The following MTCH2 variants were observed in gnomAD, a reference collection of about 807,000 sequenced individuals.
MTCH2 encodes the protein mitochondrial carrier 2.
A neutral mutation model predicts 50.6 loss-of-function variants in MTCH2; 25 were observed. The observed-to-expected ratio is 0.49, with a 90% CI of 0.36 to 0.69. MTCH2 has a LOEUF of 0.69. Among genes scored for constraint, MTCH2 ranks in the 30% least tolerant of loss-of-function variants. The pLI is 0.00. For missense variants in MTCH2, 273 were observed against 384.4 expected (o/e 0.71, Z 2.42); for synonymous variants, 106 against 132.0 (o/e 0.80, Z 1.35).
chr11:47,635,888 G>C (rs1410048511), intron 3 of MTCH2, among the ~76,000 whole-genome samples: 2 of 152,090 alleles, frequency 1.3e-5, no homozygotes, highest in Non-Finnish European at 2.9e-5. Flanking sequence ...AGCACTTTAG[G>C]AGGCCGAGGT....
At chr11:47,624,902 AC>A (rs2097296585) in intron 11 of MTCH2, among the ~76,000 whole-genome samples, 2 of 152,204 alleles carry the variant, frequency 1.3e-5, no homozygotes, top group African/African-American at 2.4e-5. Flanking sequence ...AGTCTGGCCA[AC>A]ATAGCAAGAC....
the MTCH2 span, among the ~76,000 whole-genome samples, chr11:47,605,674 G>T: frequency 6.6e-6 from 1 of 152,124 alleles, no homozygotes; most frequent in Admixed American, 6.6e-5. Flanking sequence ...ATAACCAACT[G>T]GGGTGAAGGA....
At chr11:47,626,639 G>A (rs185775224) in intron 10 of MTCH2, among the ~76,000 whole-genome samples, 1 of 151,840 alleles carries the variant, frequency 6.6e-6, no homozygotes, top group African/African-American at 2.4e-5. Context: ...TTGAGATGGA[G>A]TCTCACTCTG....
At chr11:47,620,112 CAAACAAA>C (rs1191362778) in intron 12 of MTCH2, among the ~76,000 whole-genome samples, 1 of 151,038 alleles carries the variant, frequency 6.6e-6, no homozygotes, top group African/African-American at 2.4e-5. Flanking sequence ...AAAAAACAAA[CAAACAAA>C]AAACAAAAAA....
downstream of MTCH2, among the ~76,000 whole-genome samples, chr11:47,616,604 G>A (rs552095230): frequency 6.6e-6 from 1 of 152,158 alleles, no homozygotes; most frequent in South Asian, 2.1e-4. Flanking sequence ...TAGGATTACA[G>A]GTATGGGCCA....
In MTCH2 at chr11:47,630,631, A is replaced by G. The variant is rs751841585; in HGVS notation, c.480-17T>C. 1 of 1,590,876 alleles carries G rather than the reference A, an allele frequency of 6.3e-7. No homozygotes were observed. Among genetic ancestry groups the G allele is most frequent in the South Asian group, 1.1e-5 (1 of 90,130 alleles). ...CAAAGTCCACTACGTACACAAGAAG[A>G]AAAGGTAAAATATATTAAGATTCTT... On this transcript the variant is annotated splice_polypyrimidine_tract_variant and intron_variant, in intron 7 of 12. Transcript: ENST00000302503.
chr11:47,632,491 C>T (rs1219725931), intron 5 of MTCH2, among the ~76,000 whole-genome samples: 2 of 150,100 alleles, frequency 1.3e-5, no homozygotes, highest in African/African-American at 4.9e-5. Context: ...GTAGCTGGGA[C>T]TACAGGCACC....
intron 3 of MTCH2, among the ~76,000 whole-genome samples, chr11:47,636,508 G>A (rs899154101): frequency 3.3e-5 from 5 of 151,848 alleles, no homozygotes; most frequent in Non-Finnish European, 7.4e-5. Context: ...GAGGCAGGCG[G>A]ATCACCTGAC....
At chr11:47,634,104 C>T (rs910162448) in intron 5 of MTCH2, among the ~76,000 whole-genome samples, 1 of 152,138 alleles carries the variant, frequency 6.6e-6, no homozygotes, top group Non-Finnish European at 1.5e-5. Flanking sequence ...AAGACAAGGT[C>T]TTGCTCTATC....
intron 5 of MTCH2, among the ~76,000 whole-genome samples, chr11:47,632,399 G>T (rs911928188): frequency 1.3e-5 from 2 of 148,288 alleles, no homozygotes; most frequent in Non-Finnish European, 3.0e-5. Flanking sequence ...TGTCACCCAC[G>T]CTGGAGTGCA....
chr11:47,605,775 T>C, the MTCH2 span, among the ~76,000 whole-genome samples: 1 of 152,222 alleles, frequency 6.6e-6, no homozygotes, highest in Non-Finnish European at 1.5e-5. Flanking sequence ...AATCAATGTC[T>C]AACTGGAAAC....
In MTCH2 at chr11:47,642,512, AC is replaced by A; in HGVS notation, c.-48del. On this transcript the variant is annotated 5_prime_UTR_variant, in exon 1 of 13. Transcript: ENST00000302503. ...GACAGACAGACGGAGCCACCAAGCG[AC>A]CCGGTGAGCCGGTCCTAGGTCACGT... 1 of 1,516,002 alleles carries A rather than the reference AC, an allele frequency of 6.6e-7. No individual in the cohort carries two copies. Among genetic ancestry groups the A allele is most frequent in the Non-Finnish European group, 8.9e-7 (1 of 1,128,216 alleles). 93.9% of individuals were successfully genotyped at this position (1,516,002 alleles called of 1,614,324 possible).
downstream of MTCH2, among the ~76,000 whole-genome samples, chr11:47,616,875 G>A (rs2097288735): frequency 2.0e-5 from 3 of 151,196 alleles, no homozygotes; most frequent in Admixed American, 6.6e-5. Context: ...GTAGAGACAG[G>A]GTTTCTTCAT....
intron 1 of MTCH2, among the ~76,000 whole-genome samples, chr11:47,641,145 C>T (rs1237440072): frequency 6.6e-6 from 1 of 152,156 alleles, no homozygotes; most frequent in Non-Finnish European, 1.5e-5. Flanking sequence ...CCGCTCACCT[C>T]GGCCTCCCAA....
Position 47,631,073 on chromosome 11 carries a change from A to AT in MTCH2, c.441dup (p.Ser148IlefsTer17). On this transcript the variant is annotated frameshift_variant, in exon 7 of 13. Transcript: ENST00000302503. LOFTEE classifies it high-confidence loss of function. ...TCTCTGCCAATGAACTGTACCATAG[A>AT]TCTCAGAGTGATCACTGTGGAATAT... is the stretch of plus-strand genomic sequence containing the variant. The AT allele has an allele frequency of 6.2e-7, 1 of 1,613,066 alleles. No homozygotes were observed.
In MTCH2 at chr11:47,627,200, T is replaced by C. The variant is rs554633787; in HGVS notation, c.634-73A>G. ...ACATCAATATATTCTTTTTTCCTTT[T>C]CTTTTCTTTTCTTTTTTTCTTTCAG... is the stretch of plus-strand genomic sequence containing the variant. On this transcript the variant is annotated intron_variant, in intron 9 of 12. Coordinates refer to ENST00000302503, the MANE Select transcript of MTCH2 (RefSeq NM_014342.4). 4.0e-4 allele frequency: 456 copies of C among 1,151,632 alleles called. 2 individuals are homozygous for C. The South Asian group carries it at 5.0e-3, about 13-fold the overall frequency. 71.3% of individuals were successfully genotyped at this position (1,151,632 alleles called of 1,614,324 possible).
intron 3 of MTCH2, among the ~76,000 whole-genome samples, chr11:47,636,253 G>A (rs2097308470): frequency 6.6e-6 from 1 of 152,144 alleles, no homozygotes; most frequent in South Asian, 2.1e-4. Flanking sequence ...GGCCTACGTG[G>A]TGAAACTCCA....
At chr11:47,619,662 C>T (rs951360952) in intron 12 of MTCH2, among the ~76,000 whole-genome samples, 3 of 152,136 alleles carry the variant, frequency 2.0e-5, no homozygotes, top group East Asian at 1.9e-4. Flanking sequence ...AATTAAAGGC[C>T]GGGTGTGATG....
At position 47,623,200 on chromosome 11, in the gene MTCH2, A is replaced by G. The variant is rs113380805; in HGVS notation, c.750-424T>C. ...AGCCTGGCCAACATGGTGAAACCCC[A>G]TCTCTACTGAAAATACAAAAACATG... On this transcript the variant is annotated intron_variant, in intron 11 of 12. Transcript: ENST00000302503. 1.9e-3 allele frequency among the ~76,000 whole-genome samples: 292 copies of G among 151,816 alleles called. 1 individual carries two copies. The highest frequency in any genetic ancestry group is 0.014 in the Middle Eastern group (4 of 294).
Sources: gnomAD v4.1 joint callset for allele counts (sites outside exome capture counted in the v4.1 genomes callset) on GRCh38, gnomAD v4.1.1 for gene constraint, MANE v1.5 for transcripts, NCBI Gene and HGNC (gene_info 2026-07-23, HGNC 2026-07-21) for gene names.